Variants in PTPRD observed in about 807,000 individuals in gnomAD.
PTPRD encodes the protein receptor-type tyrosine-protein phosphatase delta.
In PTPRD, 34 loss-of-function variants were observed where a neutral mutation model predicts 214.5. The ratio of observed to expected loss-of-function variants is 0.16; its 90% CI spans 0.12 to 0.21. The LOEUF (loss-of-function observed/expected upper bound fraction) is 0.21, where lower values mean the gene tolerates loss of function less well. Among genes scored for constraint, PTPRD ranks in the 10% least tolerant of loss-of-function variants. The pLI is 1.00. For missense variants in PTPRD, 2,545 were observed against 2,398.7 expected (o/e 1.06, Z -1.27); for synonymous variants, 1,128 against 845.7 (o/e 1.33, Z -5.79).
intron 2 of PTPRD, among the ~76,000 whole-genome samples, chr9:10,408,029 A>G (rs554871160): frequency 5.7e-4 from 87 of 151,658 alleles, no homozygotes; most frequent in African/African-American, 1.9e-3. Context: ...TCACACATGC[A>G]CCTACATATA....
chr9:9,991,460 C>G (rs1395696062), intron 4 of PTPRD, among the ~76,000 whole-genome samples: 1 of 151,832 alleles, frequency 6.6e-6, no homozygotes, highest in Non-Finnish European at 1.5e-5. Flanking sequence ...CTCCCAGGTT[C>G]AAGCAATTCT....
chr9:10,377,828 G>A (rs1478073045), intron 2 of PTPRD, among the ~76,000 whole-genome samples: 1 of 152,026 alleles, frequency 6.6e-6, no homozygotes, highest in African/African-American at 2.4e-5. Context: ...CACTTAGGTT[G>A]TTTTCAATTT....
At position 10,492,092 on chromosome 9, in the gene PTPRD, T is replaced by C. The variant is rs949540837; in HGVS notation, c.-600+120306A>G. 7.9e-5 allele frequency among the ~76,000 whole-genome samples: 12 copies of C among 152,198 alleles called. 1 individual carries two copies. Among genetic ancestry groups the C allele is most frequent in the Non-Finnish European group, 1.2e-4 (8 of 68,024 alleles). Reference sequence around the variant, plus strand: ...TATTCCATCGTGTACATGTGCCACATTGTCTTTATCCAGTCTATCATTGAT... The same window carrying C: ...TATTCCATCGTGTACATGTGCCACACTGTCTTTATCCAGTCTATCATTGAT... On this transcript the variant is annotated intron_variant, in intron 2 of 45. Coordinates refer to ENST00000381196, the MANE Select transcript of PTPRD (RefSeq NM_002839.4).
At chr9:10,386,515 G>C (rs2097916432) in intron 2 of PTPRD, among the ~76,000 whole-genome samples, 1 of 151,814 alleles carries the variant, frequency 6.6e-6, no homozygotes, top group African/African-American at 2.4e-5. Context: ...GAAAATGACA[G>C]GTCTAGTAAC....
At chr9:9,040,039 A>G (rs1485032012) in intron 10 of PTPRD, among the ~76,000 whole-genome samples, 6 of 152,046 alleles carry the variant, frequency 3.9e-5, no homozygotes, top group Admixed American at 3.9e-4. Flanking sequence ...GGAAGCTACA[A>G]TTCAGAGAAA....
chr9:10,031,752 AT>A (rs888849152), intron 4 of PTPRD, among the ~76,000 whole-genome samples: 17 of 150,158 alleles, frequency 1.1e-4, no homozygotes, highest in Admixed American at 3.3e-4. Context: ...AGCAGAGCCT[AT>A]TTTTTTTATG....
chr9:10,200,404 C>G (rs941063897), intron 3 of PTPRD, among the ~76,000 whole-genome samples: 2 of 152,014 alleles, frequency 1.3e-5, no homozygotes. Context: ...ATGCTATTGA[C>G]AGTTAATAGA....
rs2010252 is a variant in PTPRD at position 9,755,535 on chromosome 9, T to A, written c.-326+11275A>T. Reference sequence around the variant, plus strand: ...TAAGGTTCACAATCAGTTTTATATTTTTCTAAAGGTTTGTGCTTCCAGCAA... The same window carrying A: ...TAAGGTTCACAATCAGTTTTATATTATTCTAAAGGTTTGTGCTTCCAGCAA... On this transcript the variant is annotated intron_variant, in intron 6 of 45. Transcript: ENST00000381196. Among the ~76,000 whole-genome samples, 802 of 152,188 alleles carry A rather than the reference T, an allele frequency of 5.3e-3. 5 individuals carry two copies. Among genetic ancestry groups the A allele is most frequent in the Middle Eastern group, 0.017 (5 of 294 alleles).
intron 14 of PTPRD, among the ~76,000 whole-genome samples, chr9:8,560,265 T>G (rs902668502): frequency 6.6e-6 from 1 of 151,728 alleles, no homozygotes; most frequent in Non-Finnish European, 1.5e-5. Flanking sequence ...ATGAGATGAA[T>G]TTTTAAACTC....
intron 11 of PTPRD, among the ~76,000 whole-genome samples, chr9:8,949,511 C>T (rs1004810280): frequency 8.3e-5 from 1 of 12,092 alleles, no homozygotes; most frequent in African/African-American, 9.0e-5. Flanking sequence ...TACATAACGC[C>T]TTTGAAAGGT....
In PTPRD at chr9:10,091,440, G is replaced by T. The variant is rs549877876; in HGVS notation, c.-544-57650C>A. On this transcript the variant is annotated intron_variant, in intron 3 of 45. Coordinates refer to ENST00000381196, the MANE Select transcript of PTPRD (RefSeq NM_002839.4). ...TTTTTAAATTGTTCTGAAAATATTAGCAAGTAGAGTTATATGTCAAAAATA... is the reference window on the plus strand; with the variant it reads ...TTTTTAAATTGTTCTGAAAATATTATCAAGTAGAGTTATATGTCAAAAATA... 1.4e-3 allele frequency among the ~76,000 whole-genome samples: 218 copies of T among 151,482 alleles called. 1 individual carries two copies. The highest frequency in any genetic ancestry group is 5.0e-3 in the African/African-American group (208 of 41,414).
chr9:9,928,858 G>C (rs184714765), intron 5 of PTPRD, among the ~76,000 whole-genome samples: 48 of 151,684 alleles, frequency 3.2e-4, no homozygotes, highest in Admixed American at 2.8e-3. Flanking sequence ...GCTTTGGTAA[G>C]CTATTATTTC....
chr9:10,238,613 A>G (rs2099636888), intron 3 of PTPRD, among the ~76,000 whole-genome samples: 1 of 151,900 alleles, frequency 6.6e-6, no homozygotes, highest in Non-Finnish European at 1.5e-5. Context: ...AATGTATACA[A>G]TTTCATCAGG....
intron 2 of PTPRD, among the ~76,000 whole-genome samples, chr9:10,385,605 G>A (rs148642774): frequency 3.7e-3 from 555 of 151,846 alleles, no homozygotes; most frequent in African/African-American, 0.013. Flanking sequence ...TTCTCGGAGA[G>A]TCCTGACTTC....
chr9:8,648,342 T>G (rs1296407118), intron 12 of PTPRD, among the ~76,000 whole-genome samples: 1 of 152,210 alleles, frequency 6.6e-6, no homozygotes, highest in Non-Finnish European at 1.5e-5. Flanking sequence ...GAACTATTGA[T>G]GTGCTTAGTA....
At chr9:8,943,510 AACATAC>A (rs2099045838) in intron 11 of PTPRD, among the ~76,000 whole-genome samples, 1 of 151,786 alleles carries the variant, frequency 6.6e-6, no homozygotes, top group Admixed American at 6.6e-5. Flanking sequence ...CGGTGCCAAG[AACATAC>A]ACTGTGGAAA....
intron 2 of PTPRD, among the ~76,000 whole-genome samples, chr9:10,447,147 A>G (rs1296761641): frequency 1.3e-5 from 2 of 152,074 alleles, no homozygotes; most frequent in Non-Finnish European, 2.9e-5. Context: ...TTTAGGAAGA[A>G]AAGTCTCCTT....
intron 11 of PTPRD, among the ~76,000 whole-genome samples, chr9:8,831,884 G>C (rs1163267972): frequency 6.8e-6 from 1 of 147,496 alleles, no homozygotes; most frequent in African/African-American, 2.6e-5. Flanking sequence ...GTTTTATGAA[G>C]TCCATATTCT....
At chr9:9,266,028 T>C (rs1252977570) in intron 9 of PTPRD, among the ~76,000 whole-genome samples, 3 of 151,422 alleles carry the variant, frequency 2.0e-5, no homozygotes, top group East Asian at 3.9e-4. Flanking sequence ...TGAAGGTGAA[T>C]AGATTGATAA....
Sources: gnomAD v4.1 joint callset for allele counts (sites outside exome capture counted in the v4.1 genomes callset) on GRCh38, gnomAD v4.1.1 for gene constraint, MANE v1.5 for transcripts, NCBI Gene and HGNC (gene_info 2026-07-23, HGNC 2026-07-21) for gene names.